ERMP1: variants seen among roughly 807,000 people sequenced by gnomAD.
ERMP1 encodes endoplasmic reticulum metallopeptidase 1, also known as Felix-ina.
A neutral mutation model predicts 92.0 loss-of-function variants in ERMP1; 86 were observed. That is an observed-to-expected ratio of 0.93 (90% CI 0.79 to 1.12). ERMP1 has a LOEUF of 1.12. Among genes scored for constraint, ERMP1 ranks in the 50% most tolerant of loss-of-function variants. ERMP1 has a pLI of 0.00. For missense variants in ERMP1, 1,342 were observed against 1,116.3 expected, an observed-to-expected ratio of 1.20 and a Z score of -2.88; for synonymous variants, 530 against 412.8, an observed-to-expected ratio of 1.28 and a Z score of -3.44.
At chr9:5,854,276 G>A (rs1410717477) in intron 6 of ERMP1, among the ~76,000 whole-genome samples, 1 of 151,998 alleles carries the variant, frequency 6.6e-6, no homozygotes, top group African/African-American at 2.4e-5. Flanking sequence ...GAATCAGAGT[G>A]AATCTTTGGA....
Position 5,841,423 on chromosome 9 carries a change from G to C in ERMP1, n.3200-8111C>G, listed in dbSNP as rs1023266188. On this transcript the variant is annotated intron_variant and non_coding_transcript_variant, in intron 6 of 6. Transcript: ENST00000690753. ...GTAACTGCATAGAGGCAGAACACAGGTTGGTGGTTAGAACGGACAGGGCAG... is the reference window on the plus strand; with the variant it reads ...GTAACTGCATAGAGGCAGAACACAGCTTGGTGGTTAGAACGGACAGGGCAG... 8.5e-5 allele frequency among the ~76,000 whole-genome samples: 13 copies of C among 152,224 alleles called. 1 individual carries two copies. The highest frequency in any genetic ancestry group is 8.5e-4 in the Admixed American group (13 of 15,284).
chr9:5,812,394 G>C (rs563006659), intron 5 of ERMP1, among the ~76,000 whole-genome samples, 177 bp from the exon 6 acceptor site: 1 of 152,260 alleles, frequency 6.6e-6, no homozygotes, highest in African/African-American at 2.4e-5. Flanking sequence ...ACAGTCTATA[G>C]CTTTGGTACA....
chr9:5,799,698 T>C (rs968879918), intron 11 of ERMP1, among the ~76,000 whole-genome samples: 2 of 152,232 alleles, frequency 1.3e-5, no homozygotes, highest in African/African-American at 4.8e-5. Context: ...CAGACTGTAT[T>C]GCTGACAAAG....
chr9:5,840,254 G>C (rs1451911238), intron 6 of ERMP1, among the ~76,000 whole-genome samples: 2 of 152,004 alleles, frequency 1.3e-5, no homozygotes, highest in Non-Finnish European at 2.9e-5. Context: ...AAGAAAGAAA[G>C]AGAGAGAGAG....
intron 13 of ERMP1, among the ~76,000 whole-genome samples, chr9:5,789,294 C>CA (rs917411592): frequency 5.3e-5 from 8 of 151,470 alleles, no homozygotes; most frequent in Admixed American, 4.6e-4. Context: ...AAATAACTTA[C>CA]AAAAAAAATT....
intron 6 of ERMP1, among the ~76,000 whole-genome samples, chr9:5,854,063 G>T (rs1830342504): frequency 6.6e-6 from 1 of 151,954 alleles, no homozygotes; most frequent in South Asian, 2.1e-4. Flanking sequence ...TTTAACAAAG[G>T]GGGATAAATT....
At chr9:5,802,665 C>T (rs1008713850) in intron 10 of ERMP1, among the ~76,000 whole-genome samples, 1 of 152,192 alleles carries the variant, frequency 6.6e-6, no homozygotes, top group Non-Finnish European at 1.5e-5. Context: ...GGATTACAGG[C>T]GTGAGCCACC....
At position 5,833,087 on chromosome 9, in the gene ERMP1, C is replaced by G; in HGVS notation, c.-60G>C. On this transcript the variant is annotated 5_prime_UTR_variant, in exon 1 of 15. Coordinates refer to ENST00000339450, the MANE Select transcript of ERMP1 (RefSeq NM_024896.3). ...AACCCGCGACAGCCCCGGCCGCCGCCGACGCCGCCGTCGCTGCCGCAGCGC... is the reference window on the plus strand; with the variant it reads ...AACCCGCGACAGCCCCGGCCGCCGCGGACGCCGCCGTCGCTGCCGCAGCGC... 1.5e-6 allele frequency: 2 copies of G among 1,355,026 alleles called. No individual in the cohort carries two copies. The highest frequency in any genetic ancestry group is 9.5e-7 in the Non-Finnish European group (1 of 1,049,718). The allele number at this position is 1,355,026 out of a possible 1,614,324, so 83.9% of individuals were successfully genotyped here.
At chr9:5,794,793 G>A (rs889404894) in intron 13 of ERMP1, among the ~76,000 whole-genome samples, 19 of 152,152 alleles carry the variant, frequency 1.2e-4, no homozygotes, top group African/African-American at 4.3e-4. Flanking sequence ...CCAAGCCTAC[G>A]GGGGTTCATA....
intron 13 of ERMP1, among the ~76,000 whole-genome samples, chr9:5,792,791 G>A (rs1217978797): frequency 1.3e-5 from 2 of 152,128 alleles, no homozygotes; most frequent in African/African-American, 2.4e-5. Flanking sequence ...CAGACATACT[G>A]CAAGCTCCAT....
chr9:5,787,647 AT>A, intron 13 of ERMP1, 54 bp from the exon 14 acceptor site: 1 of 1,543,358 alleles, frequency 6.5e-7, no homozygotes. Context: ...GATCAAAAAA[AT>A]AACCCACAAT....
intron 6 of ERMP1, among the ~76,000 whole-genome samples, chr9:5,853,591 C>T (rs1037219760): frequency 6.6e-6 from 1 of 151,880 alleles, no homozygotes; most frequent in African/African-American, 2.4e-5. Flanking sequence ...GAAACAAGGA[C>T]CAGGAAATCA....
intron 10 of ERMP1, among the ~76,000 whole-genome samples, chr9:5,804,191 G>A (rs1350160699): frequency 6.6e-6 from 1 of 152,142 alleles, no homozygotes. Flanking sequence ...ATTTCAAGGT[G>A]CACCTCTGAG....
Position 5,850,665 on chromosome 9 carries a change from A to G in ERMP1, n.3199+8803T>C, listed in dbSNP as rs574570732. ...AACCCAAAAACAACAACAACAAAAA[A>G]TCCTGGGCCCAATCCCAGTATTCAG... On this transcript the variant is annotated intron_variant and non_coding_transcript_variant, in intron 6 of 6. Coordinates refer to the ERMP1 transcript ENST00000690753. 1.7e-4 allele frequency among the ~76,000 whole-genome samples: 26 copies of G among 152,304 alleles called. No homozygotes were observed. The South Asian group carries it at 3.5e-3, about 21-fold the overall frequency.
chr9:5,840,919 G>A (rs1830155572), intron 6 of ERMP1, among the ~76,000 whole-genome samples: 1 of 152,212 alleles, frequency 6.6e-6, no homozygotes, highest in South Asian at 2.1e-4. Flanking sequence ...GCTTAGCCAA[G>A]TTCTTTCATA....
intron 4 of ERMP1, among the ~76,000 whole-genome samples, chr9:5,819,608 T>G (rs2131255726): frequency 6.6e-6 from 1 of 152,322 alleles, no homozygotes. Flanking sequence ...TTGTCTTCCT[T>G]TACTGCCCTG....
At chr9:5,806,057 G>C (rs1828859020) in intron 8 of ERMP1, among the ~76,000 whole-genome samples, 1 of 152,162 alleles carries the variant, frequency 6.6e-6, no homozygotes, top group Non-Finnish European at 1.5e-5. Flanking sequence ...GCTAAAAGTA[G>C]AAATTTTCCA....
In ERMP1 at chr9:5,787,559, G is replaced by C; in HGVS notation, c.2421C>G (p.His807Gln). 3 of 1,613,990 alleles carry C rather than the reference G, an allele frequency of 1.9e-6. No individual in the cohort carries two copies. Among genetic ancestry groups the C allele is most frequent in the Non-Finnish European group, 2.5e-6 (3 of 1,179,936 alleles). ...ACCACTGAGAAAGTGTTGACCCTTT[G>C]TGGGCTCGAACATAGAAGGACATAT... ...PSHMSFYVRA[H>Q]KGSTLSQWSL... Residue 807 changes from histidine to glutamine, a missense_variant, in exon 14 of 15, where the codon CAC (histidine) becomes CAG (glutamine). His to Gln is a conservative substitution (Grantham distance 24, BLOSUM62 0). Coordinates refer to ENST00000339450, the MANE Select transcript of ERMP1 (RefSeq NM_024896.3).
chr9:5,797,828 A>G lies in ERMP1; in HGVS notation c.2375T>C (p.Phe792Ser). ...QTPWDSIKLT[F>S]EATGPSHMSF... is the part of the protein sequence containing the mutation. ...ATTATATGACTTACCTGTTGCTTCA[A>G]AAGTCAATTTTATAGAATCCCAAGG... Residue 792 changes from phenylalanine (F) to serine (S), a missense_variant, in exon 13 of 15, where the codon TTT (phenylalanine) becomes TCT (serine). Transcript: ENST00000339450. 1 of 1,598,630 alleles carries G rather than the reference A, an allele frequency of 6.3e-7. No homozygotes were observed. The highest frequency in any genetic ancestry group is 8.5e-7 in the Non-Finnish European group (1 of 1,172,366).
Sources: gnomAD v4.1 joint callset for allele counts (sites outside exome capture counted in the v4.1 genomes callset) on GRCh38, gnomAD v4.1.1 for gene constraint, MANE v1.5 for transcripts, NCBI Gene and HGNC (gene_info 2026-07-23, HGNC 2026-07-21) for gene names.